Variants in ZDHHC9 observed in about 807,000 individuals in gnomAD.
The protein encoded by ZDHHC9 is palmitoyltransferase ZDHHC9.
ZDHHC9 carries 3 observed loss-of-function variants against 26.6 expected under a neutral mutation model. That is an observed-to-expected ratio of 0.11 (90% CI 0.05 to 0.29). The LOEUF (loss-of-function observed/expected upper bound fraction) is 0.29, where lower values mean the gene tolerates loss of function less well. ZDHHC9 is among the 10% of genes least tolerant of loss of function. The probability of loss-of-function intolerance (pLI) is 1.00; values close to 1 mark genes in which losing one functional copy is unlikely to be tolerated. For synonymous variants in ZDHHC9, 111 were observed against 109.4 expected, an observed-to-expected ratio of 1.01 and a Z score of -0.09; for missense variants, 146 against 296.4, an observed-to-expected ratio of 0.49 and a Z score of 3.73.
intron 1 of ZDHHC9, 33 bp downstream of exon 1, chrX:129,843,663 G>A (rs932620825): frequency 9.0e-6 from 1 of 110,958 alleles, no homozygotes; most frequent in African/African-American, 3.3e-5. Flanking sequence ...CTGCAGCCGA[G>A]CCCAGGAGAC....
intron 5 of ZDHHC9, among the ~76,000 whole-genome samples, chrX:129,817,157 G>A (rs1927774984): frequency 8.9e-6 from 1 of 111,813 alleles, no homozygotes; most frequent in South Asian, 3.7e-4. Context: ...TTACAGGCAT[G>A]AGCCACTGCG....
chrX:129,821,325 C>T (rs1490248640), intron 5 of ZDHHC9, among the ~76,000 whole-genome samples: 1 of 103,273 alleles, frequency 9.7e-6, no homozygotes, highest in African/African-American at 3.7e-5. Flanking sequence ...TGGAGTCTTG[C>T]TCTGTCACCC....
Position 129,804,398 on chromosome X carries a change from A to G in ZDHHC9, c.*1972T>C, listed in dbSNP as rs1216064364. 9.0e-6 allele frequency: 1 copy of G among 111,433 alleles called. No individual in the cohort carries two copies. The highest frequency in any genetic ancestry group is 1.9e-5 in the Non-Finnish European group (1 of 53,021). 9.2% of individuals were successfully genotyped at this position (111,433 alleles called of 1,213,427 possible). A position where few individuals can be genotyped will look rare whatever the true frequency, so the allele number is the denominator to read the frequency against. The stretch of plus-strand genomic sequence containing the variant: ...TCTCTCTCAAGAATGCTCAACTTAA[A>G]TCCTGTTAAAAGGAAAAAGGAAGAC... On this transcript the variant is annotated 3_prime_UTR_variant, in exon 11 of 11. Transcript: ENST00000357166.
At chrX:129,824,867 G>A (rs1927976929) in intron 4 of ZDHHC9, among the ~76,000 whole-genome samples, 1 of 112,355 alleles carries the variant, frequency 8.9e-6, no homozygotes, top group Non-Finnish European at 1.9e-5. Flanking sequence ...ATGGCAAAAT[G>A]AAAATGTATG....
At chrX:129,827,648 G>A (rs1328408274) in intron 4 of ZDHHC9, among the ~76,000 whole-genome samples, 1 of 110,391 alleles carries the variant, frequency 9.1e-6, no homozygotes, top group Non-Finnish European at 1.9e-5. Flanking sequence ...CCTAGATAAT[G>A]TAGCACTTCA....
intron 3 of ZDHHC9, among the ~76,000 whole-genome samples, chrX:129,833,826 C>T (rs929747457): frequency 8.9e-6 from 1 of 111,749 alleles, no homozygotes; most frequent in African/African-American, 3.3e-5. Flanking sequence ...GCTCCAGTAG[C>T]AGCTGGTAAG....
intron 4 of ZDHHC9, among the ~76,000 whole-genome samples, chrX:129,825,806 A>G (rs1013036318): frequency 6.3e-4 from 70 of 111,977 alleles, no homozygotes; most frequent in African/African-American, 2.1e-3. Flanking sequence ...AGCTACTCAT[A>G]TTTAAAAGAA....
At chrX:129,827,912 G>A (rs1032903600) in intron 4 of ZDHHC9, among the ~76,000 whole-genome samples, 1 of 112,095 alleles carries the variant, frequency 8.9e-6, no homozygotes, top group African/African-American at 3.2e-5. Flanking sequence ...CGCCTCCCAG[G>A]TTCAAGCGAT....
chrX:129,829,299 T>A (rs1928090730), intron 3 of ZDHHC9, among the ~76,000 whole-genome samples, 158 bp from the exon 4 acceptor site: 1 of 111,483 alleles, frequency 9.0e-6, no homozygotes, highest in Non-Finnish European at 1.9e-5. Context: ...CCCTAACATA[T>A]GGCTTTACCC....
intron 9 of ZDHHC9, 69 bp from the exon 10 acceptor site, chrX:129,811,070 T>A (rs191301015): frequency 2.5e-5 from 24 of 965,147 alleles, no homozygotes. Flanking sequence ...CTACGGAATT[T>A]TGCTGCATAG....
chrX:129,806,513 A>T, intron 10 of ZDHHC9, 27 bp from the exon 11 acceptor site: 1 of 1,158,885 alleles, frequency 8.6e-7, no homozygotes, highest in Non-Finnish European at 1.2e-6. Flanking sequence ...ATGAGATTCA[A>T]CACAAAGCTG....
chrX:129,832,610 C>T (rs1328610389), intron 3 of ZDHHC9, among the ~76,000 whole-genome samples: 1 of 110,247 alleles, frequency 9.1e-6, no homozygotes, highest in African/African-American at 3.3e-5. Flanking sequence ...AGTGAAACCC[C>T]GTCTCTACTA....
At chrX:129,825,461 T>C (rs774496579) in intron 4 of ZDHHC9, among the ~76,000 whole-genome samples, 31 of 111,684 alleles carry the variant, frequency 2.8e-4, no homozygotes, top group Non-Finnish European at 5.1e-4. Flanking sequence ...TACCATGAAG[T>C]ATTTACTTAA....
intron 10 of ZDHHC9, among the ~76,000 whole-genome samples, chrX:129,806,810 C>T (rs935215586): frequency 8.9e-6 from 1 of 111,990 alleles, no homozygotes; most frequent in Non-Finnish European, 1.9e-5. Context: ...ACTTATGTAA[C>T]AAGGCCTGAC....
At chrX:129,824,443 C>A (rs1001688169) in intron 4 of ZDHHC9, among the ~76,000 whole-genome samples, 5 of 110,887 alleles carry the variant, frequency 4.5e-5, no homozygotes, top group Non-Finnish European at 7.5e-5. Context: ...GGGCCCACCA[C>A]CATGCCTGGC....
chrX:129,819,478 G>A (rs1394479169), intron 5 of ZDHHC9, among the ~76,000 whole-genome samples: 1 of 110,558 alleles, frequency 9.0e-6, no homozygotes, highest in Non-Finnish European at 1.9e-5. Context: ...AAAAAATGAA[G>A]GAAACAAAAT....
At chrX:129,824,142 GAA>G (rs1927958003) in intron 4 of ZDHHC9, among the ~76,000 whole-genome samples, 1 of 111,412 alleles carries the variant, frequency 9.0e-6, no homozygotes, top group Non-Finnish European at 1.9e-5. Context: ...AATAATCAGA[GAA>G]ATAAAAATTA....
Position 129,803,836 on chromosome X carries a change from T to A in ZDHHC9, c.*2534A>T, listed in dbSNP as rs747475945. Reference sequence around the variant, plus strand: ...GGAGGAAGGGGAGAGTTGGAGACAGTGTCAGCCATTGAAAAGACCAAACAA... The same window carrying A: ...GGAGGAAGGGGAGAGTTGGAGACAGAGTCAGCCATTGAAAAGACCAAACAA... On this transcript the variant is annotated 3_prime_UTR_variant, in exon 11 of 11. Coordinates refer to ENST00000357166, the MANE Select transcript of ZDHHC9 (RefSeq NM_016032.4). 9.0e-6 allele frequency: 1 copy of A among 111,709 alleles called. No homozygotes were observed. Among genetic ancestry groups the A allele is most frequent in the African/African-American group, 3.3e-5 (1 of 30,685 alleles). The allele number at this position is 111,709 out of a possible 1,213,427, so 9.2% of individuals were successfully genotyped here. A position where few individuals can be genotyped will look rare whatever the true frequency, so the allele number is the denominator to read the frequency against.
At position 129,842,069 on chromosome X, in the gene ZDHHC9, C is replaced by A; in HGVS notation, c.-124G>T. 3 of 854,334 alleles carry A rather than the reference C, an allele frequency of 3.5e-6. No individual in the cohort carries two copies. The highest frequency in any genetic ancestry group is 2.1e-5 in the South Asian group (1 of 46,813). 70.4% of individuals were successfully genotyped at this position (854,334 alleles called of 1,213,427 possible). On this transcript the variant is annotated 5_prime_UTR_variant, in exon 3 of 11. Transcript: ENST00000357166. ...GCTGGGTCAAACATCATCAAAAGTC[C>A]AATTGCTAGCCCTAAGAAAAAGCAG...
Sources: gnomAD v4.1 joint callset for allele counts (sites outside exome capture counted in the v4.1 genomes callset) on GRCh38, gnomAD v4.1.1 for gene constraint, MANE v1.5 for transcripts, NCBI Gene and HGNC (gene_info 2026-07-23, HGNC 2026-07-21) for gene names.